The following CCDC14 variants were observed in gnomAD, a reference collection of about 807,000 sequenced individuals.
CCDC14 encodes the protein coiled-coil domain-containing protein 14.
In CCDC14, 71 loss-of-function variants were observed where a neutral mutation model predicts 81.4. The ratio of observed to expected loss-of-function variants is 0.87; its 90% CI spans 0.72 to 1.06. CCDC14 has a LOEUF of 1.06. Ranked by LOEUF, CCDC14 falls within the 50% of genes least tolerant of loss-of-function variation. CCDC14 has a pLI of 0.00. For synonymous variants in CCDC14, 332 were observed against 364.8 expected, an observed-to-expected ratio of 0.91 and a Z score of 1.03; for missense variants, 1,046 against 1,047.3, an observed-to-expected ratio of 1.00 and a Z score of 0.02.
Position 123,941,862 on chromosome 3 carries a change from T to C in CCDC14, c.1343+2987A>G, listed in dbSNP as rs545002509. Among the ~76,000 whole-genome samples the C allele has an allele frequency of 9.1e-4, 139 of 152,174 alleles. 1 individual carries two copies. Among genetic ancestry groups the C allele is most frequent in the African/African-American group, 3.2e-3 (133 of 41,548 alleles). Reference sequence around the variant, plus strand: ...TAGCTCCTAAGGCAATTTAAAAATGTTCTAAGGAACCGAAATAAATAAGAA... The same window carrying C: ...TAGCTCCTAAGGCAATTTAAAAATGCTCTAAGGAACCGAAATAAATAAGAA... On this transcript the variant is annotated intron_variant, in intron 9 of 12. Coordinates refer to ENST00000409697, the MANE Select transcript of CCDC14 (RefSeq NM_001366335.1).
chr3:123,922,858 T>C (rs2035134251), intron 12 of CCDC14, among the ~76,000 whole-genome samples: 2 of 152,150 alleles, frequency 1.3e-5, no homozygotes, highest in Non-Finnish European at 2.9e-5. Context: ...AGGGAATTTT[T>C]CCAAACTTGT....
chr3:123,912,220 A>T (rs931521369), downstream of CCDC14, among the ~76,000 whole-genome samples: 1 of 152,120 alleles, frequency 6.6e-6, no homozygotes, highest in African/African-American at 2.4e-5. Flanking sequence ...GGTTAGGGAT[A>T]CTCTGGACAT....
At chr3:123,957,429 TTAACTCTGGTTCC>T (rs1341835192) in intron 1 of CCDC14, 1 of 152,114 alleles carries the variant, frequency 6.6e-6, no homozygotes, top group East Asian at 1.9e-4. Context: ...GACAGAGTTC[TTAACTCTGGTTCC>T]TTTTATGTAC....
chr3:123,886,304 C>T, the CCDC14 span, among the ~76,000 whole-genome samples: 1 of 152,040 alleles, frequency 6.6e-6, no homozygotes, highest in African/African-American at 2.4e-5. Context: ...CCAAGAAGCT[C>T]TAGTTTTTTT....
chr3:123,948,690 C>G lies in CCDC14; in HGVS notation c.684+1G>C. On this transcript the variant is annotated splice_donor_variant, in intron 7 of 12. Transcript: ENST00000409697. LOFTEE classifies it high-confidence loss of function. The stretch of plus-strand genomic sequence containing the variant: ...TTATGTAGTATAAGAACTGTACGCA[C>G]AGAATGAACCTTTGGAGGGCAGGGT... 6.3e-7 allele frequency: 1 copy of G among 1,595,094 alleles called. No individual in the cohort carries two copies. Among genetic ancestry groups the G allele is most frequent in the Non-Finnish European group, 8.5e-7 (1 of 1,173,502 alleles).
chr3:123,904,029 A>C (rs1156902454), intron 5 of CCDC14, among the ~76,000 whole-genome samples: 2 of 152,130 alleles, frequency 1.3e-5, no homozygotes, highest in Non-Finnish European at 2.9e-5. Context: ...CCCTACGTTA[A>C]ATCTCTTTCT....
At chr3:123,944,041 A>C (rs2036500035) in intron 9 of CCDC14, among the ~76,000 whole-genome samples, 1 of 152,156 alleles carries the variant, frequency 6.6e-6, no homozygotes, top group Non-Finnish European at 1.5e-5. Flanking sequence ...TGGCATTGGA[A>C]GTAGAGCTCA....
chr3:123,955,988 T>C (rs1342553502), intron 4 of CCDC14, 23 bp from the exon 5 acceptor site: 3 of 1,527,654 alleles, frequency 2.0e-6, no homozygotes, highest in East Asian at 2.5e-5. Context: ...CAAAAATTTG[T>C]TACATCAAAA....
At chr3:123,951,170 C>T (rs991947917) in intron 5 of CCDC14, among the ~76,000 whole-genome samples, 1 of 152,008 alleles carries the variant, frequency 6.6e-6, no homozygotes, top group Non-Finnish European at 1.5e-5. Flanking sequence ...TTAATAATGC[C>T]TATTTTATAA....
intron 5 of CCDC14, chr3:123,952,556 C>A: frequency 1.9e-6 from 1 of 515,016 alleles, no homozygotes; most frequent in Non-Finnish European, 4.1e-6. Context: ...AAGGGCTTCT[C>A]TGCCTCCTTA....
At chr3:123,932,689 C>CT (rs1280543614) in intron 10 of CCDC14, among the ~76,000 whole-genome samples, 1 of 152,122 alleles carries the variant, frequency 6.6e-6, no homozygotes, top group Non-Finnish European at 1.5e-5. Context: ...TCTTCTGGTA[C>CT]TATTATAGTT....
chr3:123,950,102 C>T (rs1429022043), intron 5 of CCDC14, among the ~76,000 whole-genome samples: 1 of 152,182 alleles, frequency 6.6e-6, no homozygotes, highest in African/African-American at 2.4e-5. Flanking sequence ...AATCTGAATA[C>T]TATTTCCCTA....
chr3:123,926,167 G>C (rs188405337), intron 12 of CCDC14, among the ~76,000 whole-genome samples: 50 of 152,214 alleles, frequency 3.3e-4, no homozygotes, highest in African/African-American at 1.1e-3. Flanking sequence ...AAGGGACAAT[G>C]ACATTTAAAA....
chr3:123,927,550 T>G (rs997426902), intron 12 of CCDC14, among the ~76,000 whole-genome samples: 9 of 152,220 alleles, frequency 5.9e-5, no homozygotes, highest in African/African-American at 2.2e-4. Context: ...CCATCATGTT[T>G]TTACAATCAT....
chr3:123,960,996 A>C (rs1355412473), intron 1 of CCDC14, 148 bp downstream of exon 1: 10 of 665,024 alleles, frequency 1.5e-5, no homozygotes, highest in Non-Finnish European at 2.2e-5. Context: ...CGGGAAGATT[A>C]GGTGTTCCCT....
chr3:123,954,410 ATAAC>A (rs1285125431), intron 5 of CCDC14: 3 of 152,238 alleles, frequency 2.0e-5, no homozygotes, highest in African/African-American at 4.8e-5. Context: ...ACACAATAAA[ATAAC>A]TAAACATTAC....
chr3:123,893,436 A>C (rs1483161228), downstream of CCDC14, among the ~76,000 whole-genome samples: 1 of 152,202 alleles, frequency 6.6e-6, no homozygotes, highest in Admixed American at 6.5e-5. Context: ...AGTAATATTC[A>C]TATCTAGCAT....
chr3:123,894,536 C>G (rs983248695), downstream of CCDC14, among the ~76,000 whole-genome samples: 2 of 152,200 alleles, frequency 1.3e-5, no homozygotes, highest in African/African-American at 4.8e-5. Flanking sequence ...CTGTAGATCA[C>G]TTTGGGTAAT....
At chr3:123,895,068 T>C (rs1337640756), downstream of CCDC14, among the ~76,000 whole-genome samples, 2 of 152,218 alleles carry the variant, frequency 1.3e-5, no homozygotes, top group Non-Finnish European at 2.9e-5. Context: ...ATTGTCTGTT[T>C]CCTTAGGCCT....
Sources: gnomAD v4.1 joint callset for allele counts (sites outside exome capture counted in the v4.1 genomes callset) on GRCh38, gnomAD v4.1.1 for gene constraint, MANE v1.5 for transcripts, NCBI Gene and HGNC (gene_info 2026-07-23, HGNC 2026-07-21) for gene names.